RAD51B: variants seen among roughly 807,000 people sequenced by gnomAD.
RAD51B encodes the protein DNA repair protein RAD51 homolog 2.
Under a neutral mutation model 42.2 loss-of-function variants are expected in RAD51B, and 38 were observed. The ratio of observed to expected loss-of-function variants is 0.90; its 90% CI spans 0.70 to 1.18. RAD51B has a LOEUF of 1.18. RAD51B is among the 50% of genes most tolerant of loss of function. RAD51B has a pLI of 0.00. For missense variants in RAD51B, 373 were observed against 400.7 expected (o/e 0.93, Z 0.59); for synonymous variants, 154 against 145.2 (o/e 1.06, Z -0.43).
At chr14:68,478,687 G>A (rs995230640), downstream of RAD51B, among the ~76,000 whole-genome samples, 4 of 152,214 alleles carry the variant, frequency 2.6e-5, no homozygotes, top group Admixed American at 2.0e-4. Flanking sequence ...GAATCACTTT[G>A]TACCTGCTCC....
At chr14:68,023,662 T>C (rs2075905080) in intron 7 of RAD51B, among the ~76,000 whole-genome samples, 1 of 152,186 alleles carries the variant, frequency 6.6e-6, no homozygotes, top group Non-Finnish European at 1.5e-5. Flanking sequence ...GAAGTGTTTG[T>C]TCATGTCCTT....
intron 4 of RAD51B, chr14:67,864,699 TG>T (rs2042266668): frequency 6.3e-6 from 3 of 475,968 alleles, no homozygotes; most frequent in South Asian, 5.0e-5. Context: ...AATGAGTGAA[TG>T]TTTCAGCCTT....
chr14:68,018,708 A>G (rs2075816959), intron 7 of RAD51B, among the ~76,000 whole-genome samples: 4 of 152,230 alleles, frequency 2.6e-5, no homozygotes, highest in Non-Finnish European at 5.9e-5. Context: ...CTCAAACAGT[A>G]CTCATAAAAA....
intron 8 of RAD51B, among the ~76,000 whole-genome samples, chr14:68,368,523 G>A (rs180939372): frequency 5.4e-4 from 83 of 152,318 alleles, no homozygotes; most frequent in African/African-American, 1.9e-3. Flanking sequence ...GGTGCTTCTA[G>A]CTAGAGAGGG....
chr14:68,286,235 T>C (rs1454126666), intron 7 of RAD51B, among the ~76,000 whole-genome samples: 1 of 152,216 alleles, frequency 6.6e-6, no homozygotes, highest in African/African-American at 2.4e-5. Flanking sequence ...ATCTCATCTG[T>C]ACTATTGGTC....
chr14:68,241,572 T>A (rs1220345377), intron 7 of RAD51B, among the ~76,000 whole-genome samples: 1 of 152,148 alleles, frequency 6.6e-6, no homozygotes, highest in Non-Finnish European at 1.5e-5. Context: ...AAATTGTCAA[T>A]CATGGTGTCA....
intron 9 of RAD51B, among the ~76,000 whole-genome samples, chr14:68,417,883 G>A (rs949296429): frequency 3.9e-5 from 6 of 152,174 alleles, no homozygotes; most frequent in Non-Finnish European, 5.9e-5. Flanking sequence ...AGAGGGTTCC[G>A]CTGGAAATTG....
intron 7 of RAD51B, among the ~76,000 whole-genome samples, chr14:67,930,375 A>G (rs2044684281): frequency 6.6e-6 from 1 of 151,988 alleles, no homozygotes; most frequent in African/African-American, 2.4e-5. Flanking sequence ...CATTTCTTGA[A>G]GAGCTAGTCT....
chr14:67,965,212 C>T (rs988354504), intron 7 of RAD51B, among the ~76,000 whole-genome samples: 6 of 152,188 alleles, frequency 3.9e-5, no homozygotes, highest in African/African-American at 1.4e-4. Context: ...GTGGCCTCTC[C>T]ATCCTCTCAG....
rs1192807633 is a variant in RAD51B, at chr14:68,563,620, T to C, written c.1037-30865T>C. ...TTTCCTGACAGCTGCCTGCAAGGGG[T>C]GAGATTTGGCTTGAAAAATGGGCCA... On this transcript the variant is annotated intron_variant, in intron 10 of 10. Transcript: ENST00000487270. 5 of 985,182 alleles carry C rather than the reference T, an allele frequency of 5.1e-6. No individual in the cohort carries two copies. The African/African-American group carries it at 8.7e-5, about 17-fold the overall frequency. The allele number at this position is 985,182 out of a possible 1,614,324, so 61.0% of individuals were successfully genotyped here.
At chr14:68,232,230 A>G (rs1203259385) in intron 7 of RAD51B, among the ~76,000 whole-genome samples, 1 of 152,168 alleles carries the variant, frequency 6.6e-6, no homozygotes, top group Non-Finnish European at 1.5e-5. Flanking sequence ...AAAATAAGCA[A>G]CTTCAGAAAT....
intron 7 of RAD51B, among the ~76,000 whole-genome samples, chr14:68,232,206 A>G (rs1434442756): frequency 6.6e-6 from 1 of 152,222 alleles, no homozygotes; most frequent in Non-Finnish European, 1.5e-5. Flanking sequence ...AGATAATACT[A>G]GAGTAGTATC....
intron 7 of RAD51B, among the ~76,000 whole-genome samples, chr14:68,203,051 A>G (rs997650842): frequency 6.6e-6 from 1 of 152,068 alleles, no homozygotes; most frequent in Non-Finnish European, 1.5e-5. Context: ...AGTTTCTTTA[A>G]AACTCCTGTT....
chr14:67,978,424 G>T (rs1410399307), intron 7 of RAD51B, among the ~76,000 whole-genome samples: 1 of 152,074 alleles, frequency 6.6e-6, no homozygotes, highest in African/African-American at 2.4e-5. Context: ...TTTTCCTCTA[G>T]GTGACCTGTA....
At chr14:68,590,849 C>T (rs1053901822) in intron 10 of RAD51B, among the ~76,000 whole-genome samples, 18 of 152,158 alleles carry the variant, frequency 1.2e-4, no homozygotes, top group African/African-American at 1.7e-4. Context: ...CCATGGGTGG[C>T]GGGGCAGAGT....
chr14:68,123,764 C>T (rs967803778), intron 7 of RAD51B, among the ~76,000 whole-genome samples: 7 of 152,058 alleles, frequency 4.6e-5, no homozygotes, highest in East Asian at 1.9e-4. Context: ...GCCGAGATTG[C>T]GCCACTGCAC....
At chr14:68,103,988 A>G (rs535879648) in intron 7 of RAD51B, among the ~76,000 whole-genome samples, 1 of 152,296 alleles carries the variant, frequency 6.6e-6, no homozygotes, top group Non-Finnish European at 1.5e-5. Flanking sequence ...TGTTTGTTTC[A>G]GGGAATAGAA....
At chr14:68,404,299 A>T (rs568211898) in intron 8 of RAD51B, among the ~76,000 whole-genome samples, 1 of 152,312 alleles carries the variant, frequency 6.6e-6, no homozygotes, top group Non-Finnish European at 1.5e-5. Context: ...GAGCACCTCA[A>T]TTTTTAGAAC....
intron 7 of RAD51B, among the ~76,000 whole-genome samples, chr14:68,240,609 C>T (rs1447298981): frequency 6.6e-6 from 1 of 152,142 alleles, no homozygotes; most frequent in East Asian, 1.9e-4. Flanking sequence ...TGTGGCCTGA[C>T]ATTTGTTCAT....
Sources: allele counts gnomAD v4.1 joint callset (sites outside exome capture counted in the v4.1 genomes callset), GRCh38; gene constraint gnomAD v4.1.1; transcripts MANE v1.5; gene names NCBI Gene and HGNC (gene_info 2026-07-23, HGNC 2026-07-21).